IPO11: variants seen among roughly 807,000 people sequenced by gnomAD.
IPO11 encodes the protein importin-11.
A neutral mutation model predicts 143.2 loss-of-function variants in IPO11; 66 were observed. That is an observed-to-expected ratio of 0.46 (90% CI 0.38 to 0.57). The LOEUF is 0.57. IPO11 is among the 20% of genes least tolerant of loss of function. The probability of loss-of-function intolerance (pLI) is 0.00; values close to 1 mark genes in which losing one functional copy is unlikely to be tolerated. For synonymous variants in IPO11, 385 were observed against 377.8 expected (o/e 1.02, Z -0.22); for missense variants, 1,026 against 1,141.0 (o/e 0.90, Z 1.45).
intron 29 of IPO11, among the ~76,000 whole-genome samples, chr5:62,607,910 G>T (rs191543154): frequency 1.3e-5 from 2 of 151,522 alleles, no homozygotes; most frequent in Admixed American, 1.3e-4. Context: ...TCTGCCTCCC[G>T]GGTTCAAGCG....
intron 9 of IPO11, among the ~76,000 whole-genome samples, chr5:62,481,262 G>T (rs1746201002): frequency 6.6e-6 from 1 of 152,036 alleles, no homozygotes; most frequent in South Asian, 2.1e-4. Flanking sequence ...TCTTTCTCTT[G>T]CCTGATTGCC....
chr5:62,589,657 C>T (rs1423651212), intron 27 of IPO11, among the ~76,000 whole-genome samples: 1 of 152,124 alleles, frequency 6.6e-6, no homozygotes, highest in Admixed American at 6.5e-5. Context: ...ATCATACTCC[C>T]TTATGTGGTT....
intron 16 of IPO11, among the ~76,000 whole-genome samples, chr5:62,501,639 C>A (rs1741351439): frequency 2.6e-5 from 4 of 152,032 alleles, no homozygotes; most frequent in Non-Finnish European, 5.9e-5. Context: ...TATAACATTT[C>A]AGAAGGATGA....
At chr5:62,580,968 A>G (rs1258175198) in intron 27 of IPO11, 3 of 1,551,052 alleles carry the variant, frequency 1.9e-6, no homozygotes, top group African/African-American at 1.4e-5. Flanking sequence ...CTTCAATGTC[A>G]GGGAAAACAT....
At position 62,627,223 on chromosome 5, in the gene IPO11, C is replaced by G; in HGVS notation, c.2833C>G (p.Gln945Glu). ...CATCTACGAGAAGCTCAAGGCACAG[C>G]AGGAGATGCTAGGAGAACAAGGTTT... Reference protein sequence around the residue: ...QFIYEKLKAQQEMLGEQGFQS... With the variant: ...QFIYEKLKAQEEMLGEQGFQS... Residue 945 changes from glutamine to glutamate, a missense_variant, in exon 30 of 30, where the codon CAG becomes GAG. Gln to Glu is a conservative substitution (Grantham distance 29). Around this residue, in one of 5 missense-constraint regions of IPO11, gnomAD observed 351 missense variants for 358.9 expected, o/e 0.98. Coordinates refer to ENST00000325324, the MANE Select transcript of IPO11 (RefSeq NM_016338.5). 1.9e-6 allele frequency: 3 copies of G among 1,614,118 alleles called. No homozygotes were observed. The highest frequency in any genetic ancestry group is 1.7e-6 in the Non-Finnish European group (2 of 1,179,996).
At chr5:62,617,988 A>G (rs1201424150) in intron 29 of IPO11, among the ~76,000 whole-genome samples, 1 of 152,100 alleles carries the variant, frequency 6.6e-6, no homozygotes, top group African/African-American at 2.4e-5. Flanking sequence ...GTGTATAGTG[A>G]CAGATCTGAA....
chr5:62,416,814 T>G (rs950437842), intron 1 of IPO11, among the ~76,000 whole-genome samples: 1 of 151,748 alleles, frequency 6.6e-6, no homozygotes, highest in Non-Finnish European at 1.5e-5. Context: ...AACTTCTGCC[T>G]CCCAGGCTCA....
intron 29 of IPO11, among the ~76,000 whole-genome samples, chr5:62,604,748 C>T (rs1033606941): frequency 2.6e-5 from 4 of 151,938 alleles, no homozygotes; most frequent in Non-Finnish European, 5.9e-5. Context: ...TTTCCAGTAC[C>T]TTGGTCTTGC....
intron 26 of IPO11, among the ~76,000 whole-genome samples, chr5:62,556,686 T>A (rs1256316085): frequency 1.3e-5 from 2 of 152,082 alleles, no homozygotes; most frequent in African/African-American, 4.8e-5. Flanking sequence ...AAAGTTTAAA[T>A]TTTTTTTAAA....
chr5:62,619,868 AAG>A (rs1050460253), intron 29 of IPO11, among the ~76,000 whole-genome samples: 1 of 151,980 alleles, frequency 6.6e-6, no homozygotes, highest in African/African-American at 2.4e-5. Flanking sequence ...CAAAAAAAAA[AAG>A]AAACTGCACA....
chr5:62,506,192 T>C, intron 18 of IPO11, 49 bp from the exon 19 acceptor site: 2 of 1,027,342 alleles, frequency 1.9e-6, no homozygotes, highest in South Asian at 2.8e-5. Flanking sequence ...TGTAGAGGTC[T>C]TTCATTTCTA....
At chr5:62,475,885 G>C (rs2112209148) in intron 8 of IPO11, among the ~76,000 whole-genome samples, 1 of 152,284 alleles carries the variant, frequency 6.6e-6, no homozygotes, top group South Asian at 2.1e-4. Flanking sequence ...ACCTTTATTT[G>C]GACATACACA....
intron 1 of IPO11, among the ~76,000 whole-genome samples, chr5:62,430,153 C>T (rs1037804846): frequency 2.6e-5 from 4 of 152,120 alleles, no homozygotes; most frequent in South Asian, 2.1e-4. Context: ...TATCTGTATA[C>T]GAGTTTTTGT....
intron 28 of IPO11, among the ~76,000 whole-genome samples, chr5:62,592,010 T>C (rs900965812): frequency 1.1e-4 from 17 of 152,070 alleles, no homozygotes; most frequent in African/African-American, 4.1e-4. Context: ...CCACCACACC[T>C]GGCTACTTTT....
intron 5 of IPO11, among the ~76,000 whole-genome samples, chr5:62,452,738 G>A (rs1744984956): frequency 6.8e-6 from 1 of 147,620 alleles, no homozygotes; most frequent in South Asian, 2.1e-4. Flanking sequence ...GTGTGTGTGT[G>A]TGTGTGTGTG....
intron 21 of IPO11, 100 bp downstream of exon 21, chr5:62,526,357 A>C: frequency 1.3e-6 from 1 of 757,972 alleles, no homozygotes. Context: ...CTTTAAAAAC[A>C]GAAAATGTAA....
At position 62,439,534 on chromosome 5, in the gene IPO11, G is replaced by A. The variant is rs566989748; in HGVS notation, c.138+2117G>A. Among the ~76,000 whole-genome samples the A allele has an allele frequency of 7.9e-3, 1,197 of 151,466 alleles. 20 individuals are homozygous for A. The highest frequency in any genetic ancestry group is 0.027 in the African/African-American group (1,132 of 41,342). ...AATCTCTTGGCCTTGTGATCCGCCCGCCTTGGCCTCCCAAAGTGCTGGGAT... is the reference window on the plus strand; with the variant it reads ...AATCTCTTGGCCTTGTGATCCGCCCACCTTGGCCTCCCAAAGTGCTGGGAT... On this transcript the variant is annotated intron_variant, in intron 2 of 29. Transcript: ENST00000325324.
intron 2 of IPO11, among the ~76,000 whole-genome samples, chr5:62,439,923 T>C (rs1471210530): frequency 1.5e-4 from 23 of 152,206 alleles, no homozygotes; most frequent in Admixed American, 1.4e-3. Flanking sequence ...AGAGTACTTA[T>C]AGGACATTTC....
intron 29 of IPO11, among the ~76,000 whole-genome samples, chr5:62,607,905 C>T (rs781489089): frequency 6.6e-6 from 1 of 151,934 alleles, no homozygotes; most frequent in Non-Finnish European, 1.5e-5. Context: ...CAACCTCTGC[C>T]TCCCGGGTTC....
Sources: gnomAD v4.1 joint callset for allele counts (sites outside exome capture counted in the v4.1 genomes callset) on GRCh38, gnomAD v4.1.1 for gene constraint, gnomAD v4.1.1 regional missense constraint, MANE v1.5 for transcripts, NCBI Gene and HGNC (gene_info 2026-07-23, HGNC 2026-07-21) for gene names.